C11orf58: variants seen among roughly 807,000 people sequenced by gnomAD.
The protein encoded by C11orf58 is small acidic protein.
Under a neutral mutation model 22.7 loss-of-function variants are expected in C11orf58, and 5 were observed. That is an observed-to-expected ratio of 0.22 (90% CI 0.12 to 0.46). The LOEUF (loss-of-function observed/expected upper bound fraction) is 0.46. C11orf58 is among the 20% of genes least tolerant of loss of function. The probability of loss-of-function intolerance (pLI) is 0.99; values close to 1 mark genes in which losing one functional copy is unlikely to be tolerated. For synonymous variants in C11orf58, 71 were observed against 70.7 expected (o/e 1.00, Z -0.02); for missense variants, 151 against 223.3 (o/e 0.68, Z 2.06).
At chr11:16,745,883 C>T (rs1456289104) in intron 2 of C11orf58, among the ~76,000 whole-genome samples, 1 of 152,080 alleles carries the variant, frequency 6.6e-6, no homozygotes, top group Non-Finnish European at 1.5e-5. Context: ...TTTTTAAGCA[C>T]ATTAAAATGA....
intron 3 of C11orf58, chr11:16,751,953 C>T (rs11024032): frequency 0.23 from 34,479 of 152,126 alleles, 4,258 homozygotes; most frequent in Admixed American, 0.33. Context: ...CAAAGTGGAA[C>T]ATCCTGAGAT....
intron 2 of C11orf58, chr11:16,747,135 T>C (rs1848493761): frequency 6.6e-6 from 1 of 152,230 alleles, no homozygotes; most frequent in Non-Finnish European, 1.5e-5. Context: ...AATAACTTGA[T>C]GCTGTTATAT....
chr11:16,755,790 G>C lies in C11orf58; in HGVS notation c.*686G>C, dbSNP rs1848572091. Reference sequence around the variant, plus strand: ...ACAGAAGAAATTCTCTGATCATTTAGTTCTGTCTATTTAGAAATATGTAAA... The same window carrying C: ...ACAGAAGAAATTCTCTGATCATTTACTTCTGTCTATTTAGAAATATGTAAA... On this transcript the variant is annotated 3_prime_UTR_variant, in exon 5 of 5. Transcript: ENST00000228136. 1 of 152,546 alleles carries C rather than the reference G, an allele frequency of 6.6e-6. No homozygotes were observed. The highest frequency in any genetic ancestry group is 2.4e-5 in the African/African-American group (1 of 41,414). 9.4% of individuals were successfully genotyped at this position (152,546 alleles called of 1,614,324 possible). A position where few individuals can be genotyped will look rare whatever the true frequency, so the allele number is the denominator to read the frequency against.
At chr11:16,752,666 A>T in intron 3 of C11orf58, 119 bp from the exon 4 acceptor site, 1 of 551,362 alleles carries the variant, frequency 1.8e-6, no homozygotes, top group East Asian at 3.2e-5. Flanking sequence ...CTCAAAAGTC[A>T]TAGTAAAATT....
In C11orf58 at chr11:16,755,140, C is replaced by G; in HGVS notation, c.*36C>G. The G allele has an allele frequency of 6.2e-7, 1 of 1,603,674 alleles. No individual in the cohort carries two copies. Among genetic ancestry groups the G allele is most frequent in the Non-Finnish European group, 8.5e-7 (1 of 1,174,650 alleles). ...CTTAGTCTTTGTATTAAAAGTAAGC[C>G]TTATTGTTACAATGCACAGTGGAGG... On this transcript the variant is annotated 3_prime_UTR_variant, in exon 5 of 5. Coordinates refer to ENST00000228136, the MANE Select transcript of C11orf58 (RefSeq NM_014267.6).
rs539979426 is a variant in C11orf58 at position 16,757,073 on chromosome 11, G to T, written c.*1969G>T. Reference sequence around the variant, plus strand: ...TAATTTCTCACATTTTTGAAAAATAGATGCTATCCTCTATAGTAAAATATT... The same window carrying T: ...TAATTTCTCACATTTTTGAAAAATATATGCTATCCTCTATAGTAAAATATT... On this transcript the variant is annotated 3_prime_UTR_variant, in exon 5 of 5. Transcript: ENST00000228136. Among the ~76,000 whole-genome samples, 3 of 151,728 alleles carry T rather than the reference G, an allele frequency of 2.0e-5. No homozygotes were observed. Among genetic ancestry groups the T allele is most frequent in the Non-Finnish European group, 4.4e-5 (3 of 67,968 alleles).
Position 16,756,601 on chromosome 11 carries a change from A to G in C11orf58, c.*1497A>G, listed in dbSNP as rs1418054441. Among the ~76,000 whole-genome samples, 1 of 150,118 alleles carries G rather than the reference A, an allele frequency of 6.7e-6. No individual in the cohort carries two copies. The highest frequency in any genetic ancestry group is 2.4e-5 in the African/African-American group (1 of 40,972). Reference sequence around the variant, plus strand: ...GTTGGAATTTTTAAAAATTATTCTTATGTCACTTTGAAATGTAGAACGTGT... The same window carrying G: ...GTTGGAATTTTTAAAAATTATTCTTGTGTCACTTTGAAATGTAGAACGTGT... On this transcript the variant is annotated 3_prime_UTR_variant, in exon 5 of 5. Transcript: ENST00000228136.
In C11orf58 at chr11:16,738,737, C is replaced by T; in HGVS notation, c.-42C>T. ...CTGCTGGTTTTGCGGCTGGGAAGAG[C>T]GGCGAGAGGGTTCGGCATTTTTCGT... On this transcript the variant is annotated 5_prime_UTR_variant, in exon 1 of 5. Transcript: ENST00000228136. 10 of 1,607,932 alleles carry T rather than the reference C, an allele frequency of 6.2e-6. No homozygotes were observed. The highest frequency in any genetic ancestry group is 8.5e-6 in the Non-Finnish European group (10 of 1,175,218).
intron 1 of C11orf58, among the ~76,000 whole-genome samples, chr11:16,741,741 C>T (rs1235590398): frequency 1.6e-4 from 24 of 152,144 alleles, no homozygotes; most frequent in Non-Finnish European, 5.9e-5. Context: ...ACTGCACATG[C>T]GAGTGATCTA....
In C11orf58 at chr11:16,738,751, G is replaced by T. The variant is rs373913767; in HGVS notation, c.-28G>T. On this transcript the variant is annotated 5_prime_UTR_variant, in exon 1 of 5. Coordinates refer to ENST00000228136, the MANE Select transcript of C11orf58 (RefSeq NM_014267.6). Reference sequence around the variant, plus strand: ...GCTGGGAAGAGCGGCGAGAGGGTTCGGCATTTTTCGTCGGGATCCCCGCAA... The same window carrying T: ...GCTGGGAAGAGCGGCGAGAGGGTTCTGCATTTTTCGTCGGGATCCCCGCAA... The T allele has an allele frequency of 4.5e-5, 72 of 1,613,164 alleles. No individual in the cohort carries two copies. The highest frequency in any genetic ancestry group is 1.7e-4 in the Middle Eastern group (1 of 5,920).
intron 4 of C11orf58, 87 bp from the exon 5 acceptor site, chr11:16,754,766 GCTACAAAGTAGAGTGTTT>G: frequency 6.6e-7 from 1 of 1,514,148 alleles, no homozygotes; most frequent in Non-Finnish European, 8.8e-7. Flanking sequence ...TGTTCTAATG[GCTACAAAGTAGAGTGTTT>G]CTAAGACCGA....
chr11:16,738,923 G>C, intron 1 of C11orf58, 82 bp downstream of exon 1: 1 of 1,503,492 alleles, frequency 6.7e-7, no homozygotes, highest in Non-Finnish European at 9.2e-7. Context: ...GGAGGAGGAC[G>C]CGCCTGAGGT....
At chr11:16,754,082 G>C in intron 4 of C11orf58, 1 of 400,942 alleles carries the variant, frequency 2.5e-6, no homozygotes, top group Non-Finnish European at 4.4e-6. Context: ...GTTTAGGAGA[G>C]CTTTTTTATT....
intron 3 of C11orf58, chr11:16,749,113 C>T (rs1162614761): frequency 2.6e-5 from 4 of 152,074 alleles, no homozygotes; most frequent in Admixed American, 1.3e-4. Flanking sequence ...TAGGGAAGAA[C>T]ATTTTTAAAT....
intron 1 of C11orf58, among the ~76,000 whole-genome samples, chr11:16,739,188 C>G (rs1848423184): frequency 6.6e-6 from 1 of 152,054 alleles, no homozygotes; most frequent in Non-Finnish European, 1.5e-5. Flanking sequence ...ATAGAGACGG[C>G]AAGACTCTCC....
intron 2 of C11orf58, 78 bp downstream of exon 2, chr11:16,744,762 T>A: frequency 7.8e-7 from 1 of 1,276,984 alleles, no homozygotes; most frequent in Non-Finnish European, 1.1e-6. Flanking sequence ...TAAGAAGGAC[T>A]GAATATACTT....
chr11:16,742,458 ATTACT>A (rs1848455846), intron 1 of C11orf58, among the ~76,000 whole-genome samples: 1 of 152,252 alleles, frequency 6.6e-6, no homozygotes, highest in Admixed American at 6.5e-5. Context: ...AAGCTTCACC[ATTACT>A]TTAACTATAT....
intron 2 of C11orf58, chr11:16,747,857 T>G: frequency 3.2e-6 from 1 of 308,168 alleles, no homozygotes; most frequent in Non-Finnish European, 6.0e-6. Flanking sequence ...CTCAGGTCTG[T>G]TTTGTTTTAA....
chr11:16,755,768 G>A lies in C11orf58; in HGVS notation c.*664G>A, dbSNP rs1050103770. 8 of 152,618 alleles carry A rather than the reference G, an allele frequency of 5.2e-5. No homozygotes were observed. The highest frequency in any genetic ancestry group is 1.9e-4 in the African/African-American group (8 of 41,454). 9.5% of individuals were successfully genotyped at this position (152,618 alleles called of 1,614,324 possible). On this transcript the variant is annotated 3_prime_UTR_variant, in exon 5 of 5. Transcript: ENST00000228136. ...TGATAAAATTTGGCCAATTTTTACA[G>A]AAGAAATTCTCTGATCATTTAGTTC... is the stretch of plus-strand genomic sequence containing the variant.
Sources: gnomAD v4.1 joint callset for allele counts (sites outside exome capture counted in the v4.1 genomes callset) on GRCh38, gnomAD v4.1.1 for gene constraint, MANE v1.5 for transcripts, NCBI Gene and HGNC (gene_info 2026-07-23, HGNC 2026-07-21) for gene names.